Variants in ULK1 observed in about 807,000 individuals in gnomAD.
ULK1 encodes the protein serine/threonine-protein kinase ULK1.
Under a neutral mutation model 117.5 loss-of-function variants are expected in ULK1, and 48 were observed. The observed-to-expected ratio is 0.41, with a 90% CI of 0.32 to 0.52. The LOEUF is 0.52. Among genes scored for constraint, ULK1 ranks in the 20% least tolerant of loss-of-function variants. The probability of loss-of-function intolerance (pLI) is 0.29; values close to 1 mark genes in which losing one functional copy is unlikely to be tolerated. For synonymous variants in ULK1, 790 were observed against 637.8 expected (o/e 1.24, Z -3.60); for missense variants, 1,387 against 1,473.4 (o/e 0.94, Z 0.96).
At chr12:131,916,250 C>A in intron 19 of ULK1, 91 bp downstream of exon 19, 1 of 1,540,064 alleles carries the variant, frequency 6.5e-7, no homozygotes, top group Non-Finnish European at 8.8e-7. Flanking sequence ...AGGAAGGCAG[C>A]TCTGTACCTT....
Position 131,913,189 on chromosome 12 carries a change from C to T in ULK1, c.1097-9C>T, listed in dbSNP as rs201887459. 8.3e-5 allele frequency: 131 copies of T among 1,571,026 alleles called. No individual in the cohort carries two copies. In the East Asian group the frequency reaches 2.8e-3, roughly 34 times the overall value. On this transcript the variant is annotated splice_polypyrimidine_tract_variant and intron_variant, in intron 13 of 27. Coordinates refer to ENST00000321867, the MANE Select transcript of ULK1 (RefSeq NM_003565.4). ...AGGACTCCAGGCCCAGCCTTGTCTCCCCCTGCAGGTGACCTGGTGGCTGAG... is the reference window on the plus strand; with the variant it reads ...AGGACTCCAGGCCCAGCCTTGTCTCTCCCTGCAGGTGACCTGGTGGCTGAG...
rs1473416683 is a variant in ULK1 at position 131,894,706 on chromosome 12, A to G, written c.-296A>G. ...TCCGTTGGGGCCGAGCCCGGGCCCT[A>G]GTTGGAGCCGGAGTCGGAGTCGGAG... is the stretch of plus-strand genomic sequence containing the variant. On this transcript the variant is annotated 5_prime_UTR_variant, in exon 1 of 28. Transcript: ENST00000321867. 6.6e-6 allele frequency: 1 copy of G among 150,876 alleles called. No homozygotes were observed. 9.3% of individuals were successfully genotyped at this position (150,876 alleles called of 1,614,324 possible).
chr12:131,897,809 G>A (rs1888935068), intron 3 of ULK1: 1 of 152,134 alleles, frequency 6.6e-6, no homozygotes, highest in Non-Finnish European at 1.5e-5. Flanking sequence ...GGTTGTAGGA[G>A]GATTGATTAA....
chr12:131,895,574 C>G (rs1406348841), intron 1 of ULK1, 27 bp from the exon 2 acceptor site: 2 of 1,605,576 alleles, frequency 1.2e-6, no homozygotes, highest in African/African-American at 1.3e-5. Context: ...GCAGCCCTGG[C>G]CTTGAAGGTG....
At position 131,919,380 on chromosome 12, in the gene ULK1, T is replaced by C. The variant is rs1429850251; in HGVS notation, c.2680T>C (p.Trp894Arg). 1 of 243,908 alleles carries C rather than the reference T, an allele frequency of 4.1e-6. No homozygotes were observed. The highest frequency in any genetic ancestry group is 7.9e-6 in the Non-Finnish European group (1 of 127,084). 15.1% of individuals were successfully genotyped at this position (243,908 alleles called of 1,614,324 possible). A position where few individuals can be genotyped will look rare whatever the true frequency, so the allele number is the denominator to read the frequency against. The change falls in exon 24 of 28, where the codon TGG becomes CGG. Residue 894 changes from tryptophan to arginine, a missense_variant. By Grantham distance (101) the Trp-to-Arg change is moderately radical. Coordinates refer to ENST00000321867, the MANE Select transcript of ULK1 (RefSeq NM_003565.4). ...ADQISLLSREWGFAEQLVLYL... is the reference protein window; with the variant it reads ...ADQISLLSRERGFAEQLVLYL... ...CCAGATCAGCCTGCTGAGCCGAGAA[T>C]GGGGGTGGGTGCCGCCAGGGCTGGG... is the stretch of plus-strand genomic sequence containing the variant.
chr12:131,896,209 T>TGGCCGGCCTC (rs937929508), intron 3 of ULK1, among the ~76,000 whole-genome samples: 2 of 151,786 alleles, frequency 1.3e-5, no homozygotes, highest in Non-Finnish European at 2.9e-5. Context: ...CGGCCGGCAT[T>TGGCCGGCCTC]GGCCGGCCTC....
intron 26 of ULK1, 84 bp from the exon 27 acceptor site, chr12:131,921,016 G>A: frequency 6.8e-7 from 1 of 1,470,426 alleles, no homozygotes; most frequent in Non-Finnish European, 9.0e-7. Flanking sequence ...GCCACCCCTG[G>A]GCCGCTGCCG....
chr12:131,895,887 G>C, intron 3 of ULK1, 63 bp downstream of exon 3: 12 of 1,601,346 alleles, frequency 7.5e-6, no homozygotes, highest in Non-Finnish European at 1.0e-5. Flanking sequence ...CCAGGTGCTG[G>C]ATCCCCTGGT....
chr12:131,921,048 T>C, intron 26 of ULK1, 52 bp from the exon 27 acceptor site: 3 of 1,530,828 alleles, frequency 2.0e-6, no homozygotes, highest in Middle Eastern at 2.0e-4. Context: ...CAGCCCTTGC[T>C]GGGAGGGAGT....
At chr12:131,904,822 G>C (rs963927411) in intron 3 of ULK1, among the ~76,000 whole-genome samples, 1 of 152,098 alleles carries the variant, frequency 6.6e-6, no homozygotes, top group Non-Finnish European at 1.5e-5. Context: ...GTAATGGTGG[G>C]CCCAGGTCAG....
Position 131,908,784 on chromosome 12 carries a change from C to A in ULK1, c.457C>A (p.Arg153Ser). 1 of 1,606,968 alleles carries A rather than the reference C, an allele frequency of 6.2e-7. No homozygotes were observed. Among genetic ancestry groups the A allele is most frequent in the Non-Finnish European group, 8.5e-7 (1 of 1,177,604 alleles). ...NILLSNPAGRRANPNSIRVKI... is the reference protein window; with the variant it reads ...NILLSNPAGRSANPNSIRVKI... ...CCTGCTGTCCAACCCCGCCGGCCGC[C>A]GCGCCAACCCCAACAGCATCCGCGT... Residue 153 changes from arginine to serine, a missense_variant, in exon 6 of 28, where the codon CGC becomes AGC. This residue lies in a region of ULK1 where 224 missense variants were observed against 325.2 expected (regional missense o/e 0.69). Transcript: ENST00000321867.
At position 131,915,437 on chromosome 12, in the gene ULK1, A is replaced by AG. The variant is rs770339351; in HGVS notation, c.1609+22dup. Reference sequence around the variant, plus strand: ...CCTCGTCCAGGTGGGTGCAGTCCGGAGGGGGGAGGGGGTGCTAGGCTGACC... The same window carrying AG: ...CCTCGTCCAGGTGGGTGCAGTCCGGAGGGGGGGAGGGGGTGCTAGGCTGACC... On this transcript the variant is annotated intron_variant, in intron 18 of 27. Transcript: ENST00000321867. 1.2e-6 allele frequency: 2 copies of AG among 1,610,600 alleles called. No individual in the cohort carries two copies. The highest frequency in any genetic ancestry group is 1.1e-5 in the South Asian group (1 of 90,942).
chr12:131,896,831 A>G (rs1459730170), intron 3 of ULK1: 2 of 151,608 alleles, frequency 1.3e-5, no homozygotes, highest in Non-Finnish European at 2.9e-5. Flanking sequence ...CAGCCTGCAC[A>G]TGCGTCATGG....
rs200918313 is a variant in ULK1 at position 131,909,864 on chromosome 12, C to T, written c.725+31C>T. 1.8e-5 allele frequency: 29 copies of T among 1,610,704 alleles called. No homozygotes were observed. In the Admixed American group the frequency reaches 2.5e-4, roughly 14 times the overall value. ...CACCCTCCCGCCTTCCCTTCCCTTC[C>T]CCCGCGGGCTCCGGCCCCGCAGGCC... is the stretch of plus-strand genomic sequence containing the variant. On this transcript the variant is annotated intron_variant, in intron 9 of 27. Transcript: ENST00000321867.
At chr12:131,905,842 T>C (rs976906549) in intron 3 of ULK1, among the ~76,000 whole-genome samples, 2 of 152,098 alleles carry the variant, frequency 1.3e-5, no homozygotes, top group Non-Finnish European at 2.9e-5. Flanking sequence ...ACCGGTGGCT[T>C]ACTCTGAGTT....
intron 3 of ULK1, among the ~76,000 whole-genome samples, chr12:131,901,089 T>C (rs1046274049): frequency 7.9e-5 from 12 of 151,268 alleles, no homozygotes; most frequent in African/African-American, 2.9e-4. Context: ...CTGGGCACAG[T>C]GGCTCACGCC....
chr12:131,915,972 A>G lies in ULK1; in HGVS notation c.1691A>G (p.His564Arg). 4 of 1,611,852 alleles carry G rather than the reference A, an allele frequency of 2.5e-6. No homozygotes were observed. Among genetic ancestry groups the G allele is most frequent in the African/African-American group, 1.3e-5 (1 of 74,764 alleles). Residue 564 changes from histidine to arginine, a missense_variant, in exon 19 of 28, where the codon CAC becomes CGC. Transcript: ENST00000321867. ...AGCGCCCCCAACCTGTCTGACTTGC[A>G]CGTCGTCCGCCCCAAGCTGCCCAAA... ...LHSAPNLSDL[H>R]VVRPKLPKPP...
chr12:131,899,595 A>G (rs1340402159), intron 3 of ULK1, among the ~76,000 whole-genome samples: 1 of 152,120 alleles, frequency 6.6e-6, no homozygotes, highest in Non-Finnish European at 1.5e-5. Context: ...AGCTCAAGAG[A>G]TCCTCCCACT....
At chr12:131,917,713 C>T (rs1670105785) in intron 22 of ULK1, among the ~76,000 whole-genome samples, 159 bp downstream of exon 22, 1 of 152,194 alleles carries the variant, frequency 6.6e-6, no homozygotes, top group African/African-American at 2.4e-5. Context: ...CCTGCTCTGT[C>T]TCCCCGTCTG....
Sources: allele counts gnomAD v4.1 joint callset (sites outside exome capture counted in the v4.1 genomes callset), GRCh38; gene constraint gnomAD v4.1.1; regional missense constraint gnomAD v4.1.1; transcripts MANE v1.5; gene names NCBI Gene and HGNC (gene_info 2026-07-23, HGNC 2026-07-21).